The following PTPRD variants were observed in gnomAD, a reference collection of about 807,000 sequenced individuals.
The protein encoded by PTPRD is receptor-type tyrosine-protein phosphatase delta.
Under a neutral mutation model 214.5 loss-of-function variants are expected in PTPRD, and 34 were observed. The observed-to-expected ratio is 0.16, with a 90% CI of 0.12 to 0.21. The LOEUF (loss-of-function observed/expected upper bound fraction) is 0.21. PTPRD is among the 10% of genes least tolerant of loss of function. The pLI is 1.00. For missense variants in PTPRD, 2,545 were observed against 2,398.7 expected (o/e 1.06, Z -1.27); for synonymous variants, 1,128 against 845.7 (o/e 1.33, Z -5.79).
intron 2 of PTPRD, among the ~76,000 whole-genome samples, chr9:10,465,014 T>C (rs937534918): frequency 2.0e-5 from 3 of 152,186 alleles, no homozygotes; most frequent in Non-Finnish European, 4.4e-5. Context: ...CTCAACATTA[T>C]AGGGAATCCT....
rs1200113326 is a variant in PTPRD at position 8,952,925 on chromosome 9, G to T, written c.-104+65772C>A. Among the ~76,000 whole-genome samples the T allele has an allele frequency of 2.0e-5, 3 of 150,264 alleles. No homozygotes were observed. In the Admixed American group the frequency reaches 2.0e-4, roughly 10 times the overall value. On this transcript the variant is annotated intron_variant, in intron 11 of 45. Transcript: ENST00000381196. ...AGAAGAATCAATTGATCTTTCACTGGCTTCTGTCCAAGCAACTTTCAGTAT... is the reference window on the plus strand; with the variant it reads ...AGAAGAATCAATTGATCTTTCACTGTCTTCTGTCCAAGCAACTTTCAGTAT...
intron 4 of PTPRD, among the ~76,000 whole-genome samples, chr9:9,972,248 TAC>T (rs2095145353): frequency 6.6e-6 from 1 of 152,162 alleles, no homozygotes; most frequent in Non-Finnish European, 1.5e-5. Flanking sequence ...ATAGCAAACA[TAC>T]AGTGTTTAAC....
chr9:10,178,757 A>G lies in PTPRD; in HGVS notation c.-544-144967T>C, dbSNP rs554973643. On this transcript the variant is annotated intron_variant, in intron 3 of 45. Coordinates refer to ENST00000381196, the MANE Select transcript of PTPRD (RefSeq NM_002839.4). ...GAGGGGCTTTCCTGTGCATTATAGG[A>G]TGTTTAGCAACATCCTGGTCTTACT... Among the ~76,000 whole-genome samples, 6 of 152,042 alleles carry G rather than the reference A, an allele frequency of 3.9e-5. No individual in the cohort carries two copies. In the South Asian group the frequency reaches 1.2e-3, roughly 32 times the overall value.
At chr9:9,650,748 C>A (rs892702053) in intron 7 of PTPRD, among the ~76,000 whole-genome samples, 2 of 151,506 alleles carry the variant, frequency 1.3e-5, no homozygotes, top group Non-Finnish European at 2.9e-5. Flanking sequence ...ATCTATGTAA[C>A]AAAGCTGCAC....
rs1226084762 is a variant in PTPRD at position 8,465,814 on chromosome 9, C to T, written c.3505-139G>A. The stretch of plus-strand genomic sequence containing the variant: ...CACATTTCATATAGCACATCAGCAT[C>T]ACTAAATCTCAGTTCTCTCAATATT... On this transcript the variant is annotated intron_variant, in intron 31 of 45. Transcript: ENST00000381196. 5 of 669,570 alleles carry T rather than the reference C, an allele frequency of 7.5e-6. No homozygotes were observed. In the African/African-American group the frequency reaches 9.1e-5, roughly 12 times the overall value. The allele number at this position is 669,570 out of a possible 1,614,324, so 41.5% of individuals were successfully genotyped here. A position where few individuals can be genotyped will look rare whatever the true frequency, so the allele number is the denominator to read the frequency against.
intron 7 of PTPRD, among the ~76,000 whole-genome samples, chr9:9,606,110 G>C (rs1307104847): frequency 6.6e-6 from 1 of 151,910 alleles, no homozygotes; most frequent in African/African-American, 2.4e-5. Context: ...AATTTAAATG[G>C]CATATAAATC....
Position 10,506,650 on chromosome 9 carries a change from C to T in PTPRD, c.-600+105748G>A, listed in dbSNP as rs529791720. 2.2e-3 allele frequency among the ~76,000 whole-genome samples: 328 copies of T among 152,090 alleles called. 4 individuals are homozygous for T. Among genetic ancestry groups the T allele is most frequent in the Non-Finnish European group, 4.2e-3 (284 of 67,990 alleles). ...TAAAAAAATTATATTATTGTTGCTC[C>T]AAGATCTAATCCAGACTACTACAAT... On this transcript the variant is annotated intron_variant, in intron 2 of 45. Coordinates refer to ENST00000381196, the MANE Select transcript of PTPRD (RefSeq NM_002839.4).
chr9:9,784,902 A>G (rs913450595), intron 5 of PTPRD, among the ~76,000 whole-genome samples: 1 of 147,418 alleles, frequency 6.8e-6, no homozygotes, highest in Non-Finnish European at 1.5e-5. Flanking sequence ...ACACACATAT[A>G]ATCTCTCCTA....
intron 11 of PTPRD, among the ~76,000 whole-genome samples, chr9:8,864,442 A>C (rs2098160871): frequency 6.6e-6 from 1 of 152,216 alleles, no homozygotes; most frequent in Non-Finnish European, 1.5e-5. Flanking sequence ...GAGAGAAATA[A>C]ACGAGAGTAA....
intron 7 of PTPRD, among the ~76,000 whole-genome samples, chr9:9,655,702 G>C (rs929299576): frequency 6.6e-6 from 1 of 151,948 alleles, no homozygotes; most frequent in Non-Finnish European, 1.5e-5. Flanking sequence ...AAAGAGCTGG[G>C]TGCGGTGGCT....
At chr9:8,415,759 C>T (rs187345922) in intron 35 of PTPRD, among the ~76,000 whole-genome samples, 76 of 152,092 alleles carry the variant, frequency 5.0e-4, no homozygotes, top group African/African-American at 1.8e-3. Flanking sequence ...CCAGGGAGGA[C>T]GATGACCATG....
At chr9:9,939,948 A>C (rs1297936339) in intron 4 of PTPRD, among the ~76,000 whole-genome samples, 1 of 152,154 alleles carries the variant, frequency 6.6e-6, no homozygotes, top group Non-Finnish European at 1.5e-5. Context: ...TGCCACAATA[A>C]ACTTTCATCA....
chr9:8,521,935 C>T (rs535292387), intron 19 of PTPRD, among the ~76,000 whole-genome samples: 41 of 152,272 alleles, frequency 2.7e-4, no homozygotes, highest in African/African-American at 9.9e-4. Context: ...GCTGGAAGGT[C>T]ACCAGCATGT....
chr9:9,890,633 G>C (rs957151382), intron 5 of PTPRD, among the ~76,000 whole-genome samples: 12 of 151,954 alleles, frequency 7.9e-5, no homozygotes, highest in African/African-American at 2.7e-4. Flanking sequence ...TTCTGGGATG[G>C]GACTCAATGA....
chr9:8,520,409 C>T (rs1051736628), intron 20 of PTPRD, among the ~76,000 whole-genome samples: 22 of 152,080 alleles, frequency 1.4e-4, no homozygotes, highest in African/African-American at 5.1e-4. Context: ...AAGATCACCC[C>T]CTAGAATGGC....
chr9:8,680,100 C>T (rs1021863848), intron 12 of PTPRD, among the ~76,000 whole-genome samples: 2 of 151,710 alleles, frequency 1.3e-5, no homozygotes, highest in Non-Finnish European at 2.9e-5. Context: ...GTTTCTACTG[C>T]ATAATTACAC....
intron 7 of PTPRD, among the ~76,000 whole-genome samples, chr9:9,586,386 GATT>G (rs1423826019): frequency 6.6e-6 from 1 of 151,962 alleles, no homozygotes; most frequent in Non-Finnish European, 1.5e-5. Context: ...TAATGGAAAT[GATT>G]ATGTAGTCAT....
intron 11 of PTPRD, among the ~76,000 whole-genome samples, chr9:8,855,078 G>C (rs1174764947): frequency 1.3e-5 from 2 of 150,822 alleles, no homozygotes; most frequent in African/African-American, 4.9e-5. Flanking sequence ...CAGAATATGA[G>C]TTAATGTATT....
chr9:8,671,705 A>T (rs115784191), intron 12 of PTPRD, among the ~76,000 whole-genome samples: 1 of 152,290 alleles, frequency 6.6e-6, no homozygotes, highest in African/African-American at 2.4e-5. Flanking sequence ...AATCTCCAGA[A>T]ATTATTTTTT....
Sources: allele counts gnomAD v4.1 joint callset (sites outside exome capture counted in the v4.1 genomes callset), GRCh38; gene constraint gnomAD v4.1.1; transcripts MANE v1.5; gene names NCBI Gene and HGNC (gene_info 2026-07-23, HGNC 2026-07-21).